The following KCNMA1 variants were observed in gnomAD, a reference collection of about 807,000 sequenced individuals.
KCNMA1 encodes the protein potassium calcium-activated channel subfamily M alpha 1.
Under a neutral mutation model 140.0 loss-of-function variants are expected in KCNMA1, and 29 were observed. The observed-to-expected ratio is 0.21, with a 90% CI of 0.15 to 0.28. KCNMA1 has a LOEUF of 0.28. Ranked by LOEUF, KCNMA1 falls within the 10% of genes least tolerant of loss-of-function variation. KCNMA1 has a pLI of 1.00. For missense variants in KCNMA1, 880 were observed against 1,602.2 expected (o/e 0.55, Z 7.70); for synonymous variants, 612 against 611.9 (o/e 1.00, Z 0.00).
intron 2 of KCNMA1, among the ~76,000 whole-genome samples, chr10:77,292,783 C>G (rs878936504): frequency 1.3e-5 from 2 of 152,212 alleles, no homozygotes; most frequent in Admixed American, 1.3e-4. Context: ...GTTCTGACCT[C>G]TACAAGCATT....
intron 3 of KCNMA1, among the ~76,000 whole-genome samples, chr10:77,223,599 A>G (rs2050372658): frequency 6.6e-6 from 1 of 152,200 alleles, no homozygotes; most frequent in Admixed American, 6.5e-5. Flanking sequence ...GGAGGGTCAG[A>G]GCGATGGAGC....
At position 77,120,132 on chromosome 10, in the gene KCNMA1, G is replaced by A. The variant is rs539975634; in HGVS notation, c.884+841C>T. On this transcript the variant is annotated intron_variant, in intron 6 of 27. Coordinates refer to ENST00000286628, the MANE Select transcript of KCNMA1 (RefSeq NM_001161352.2). ...AAATGCATGAAGGGCAACCAAAGAG[G>A]AAATGGAACATTAGAAGTTAGCTTC... 1.9e-4 allele frequency among the ~76,000 whole-genome samples: 29 copies of A among 152,306 alleles called. No individual in the cohort carries two copies. The South Asian group carries it at 5.8e-3, about 30-fold the overall frequency.
At chr10:77,066,677 G>C (rs950807170) in intron 14 of KCNMA1, among the ~76,000 whole-genome samples, 1 of 152,200 alleles carries the variant, frequency 6.6e-6, no homozygotes, top group African/African-American at 2.4e-5. Context: ...ATTGTATTGG[G>C]AGCTGCTCTC....
chr10:77,204,954 C>G (rs957045663), intron 3 of KCNMA1, among the ~76,000 whole-genome samples: 8 of 152,146 alleles, frequency 5.3e-5, no homozygotes, highest in African/African-American at 1.9e-4. Context: ...CCCCCTTCCC[C>G]TGATCAGTCA....
At chr10:77,417,221 C>T (rs1470526341) in intron 1 of KCNMA1, among the ~76,000 whole-genome samples, 1 of 152,346 alleles carries the variant, frequency 6.6e-6, no homozygotes, top group Admixed American at 6.5e-5. Context: ...TCTGCTCCCC[C>T]AATTCCACAT....
chr10:77,185,009 G>A, intron 3 of KCNMA1, 93 bp from the exon 4 acceptor site: 1 of 808,498 alleles, frequency 1.2e-6, no homozygotes, highest in Non-Finnish European at 2.2e-6. Context: ...GCTTAGGGTA[G>A]ACGATGAAAT....
chr10:77,234,305 T>C (rs772355847), intron 3 of KCNMA1, among the ~76,000 whole-genome samples: 12 of 152,192 alleles, frequency 7.9e-5, no homozygotes, highest in Non-Finnish European at 1.5e-4. Context: ...GCACAAAACA[T>C]TTAAGAAACC....
intron 18 of KCNMA1, among the ~76,000 whole-genome samples, chr10:77,007,627 TA>T (rs1215901047): frequency 1.1e-5 from 1 of 91,036 alleles, no homozygotes; most frequent in Non-Finnish European, 2.4e-5. Flanking sequence ...TATACTCTGA[TA>T]CATCATGGTA....
chr10:77,011,835 G>T, intron 18 of KCNMA1, 132 bp downstream of exon 18: 1 of 813,814 alleles, frequency 1.2e-6, no homozygotes, highest in Non-Finnish European at 2.1e-6. Flanking sequence ...TCTTTAAACT[G>T]CTGGGTGAAA....
At chr10:77,282,085 T>C (rs1321064336) in intron 2 of KCNMA1, among the ~76,000 whole-genome samples, 1 of 152,224 alleles carries the variant, frequency 6.6e-6, no homozygotes, top group East Asian at 1.9e-4. Flanking sequence ...CCTTAAAACA[T>C]GCTCTTAGCA....
At chr10:77,630,552 G>T (rs923824542) in intron 1 of KCNMA1, among the ~76,000 whole-genome samples, 1 of 152,112 alleles carries the variant, frequency 6.6e-6, no homozygotes, top group South Asian at 2.1e-4. Context: ...TCCACCCAAC[G>T]ATCTGGCAGA....
At chr10:77,186,967 A>G (rs903167380) in intron 3 of KCNMA1, among the ~76,000 whole-genome samples, 1 of 152,122 alleles carries the variant, frequency 6.6e-6, no homozygotes, top group Non-Finnish European at 1.5e-5. Flanking sequence ...AGAGAAAAAA[A>G]GGGCTTGGTT....
intron 5 of KCNMA1, among the ~76,000 whole-genome samples, chr10:77,169,309 G>A (rs1035920381): frequency 1.3e-5 from 2 of 152,116 alleles, no homozygotes; most frequent in Non-Finnish European, 2.9e-5. Flanking sequence ...AAACAGGGCT[G>A]GAGAAGAAGG....
chr10:77,127,032 T>C (rs1441395913), intron 5 of KCNMA1, among the ~76,000 whole-genome samples: 2 of 147,436 alleles, frequency 1.4e-5, no homozygotes, highest in Non-Finnish European at 1.5e-5. Flanking sequence ...CACAGAAAAG[T>C]CATCAAACTG....
intron 18 of KCNMA1, among the ~76,000 whole-genome samples, chr10:77,007,672 T>TATATATATATATATATAC (rs1281497119): frequency 7.0e-6 from 1 of 143,202 alleles, no homozygotes; most frequent in South Asian, 2.2e-4. Flanking sequence ...TATATATATA[T>TATATATATATATATATAC]ATATGTATCA....
At chr10:77,438,944 T>C (rs759044190) in intron 1 of KCNMA1, among the ~76,000 whole-genome samples, 7 of 151,910 alleles carry the variant, frequency 4.6e-5, no homozygotes, top group Non-Finnish European at 1.0e-4. Context: ...GGGGTGATGG[T>C]GCATGCCTGT....
chr10:77,563,993 T>C (rs1315429696), intron 1 of KCNMA1, among the ~76,000 whole-genome samples: 1 of 152,208 alleles, frequency 6.6e-6, no homozygotes, highest in Non-Finnish European at 1.5e-5. Flanking sequence ...GTGAACAGGC[T>C]TCAGAATCAG....
intron 1 of KCNMA1, among the ~76,000 whole-genome samples, chr10:77,532,847 A>G (rs889688358): frequency 2.6e-5 from 4 of 152,142 alleles, no homozygotes; most frequent in Admixed American, 2.0e-4. Flanking sequence ...AAACCTTCCT[A>G]TTGGCTCTAT....
chr10:77,555,645 C>A (rs1184965783), intron 1 of KCNMA1, among the ~76,000 whole-genome samples: 1 of 152,198 alleles, frequency 6.6e-6, no homozygotes, highest in Non-Finnish European at 1.5e-5. Flanking sequence ...AACACTCCAG[C>A]CCCACTCTGG....
Sources: gnomAD v4.1 joint callset for allele counts (sites outside exome capture counted in the v4.1 genomes callset) on GRCh38, gnomAD v4.1.1 for gene constraint, MANE v1.5 for transcripts, NCBI Gene and HGNC (gene_info 2026-07-23, HGNC 2026-07-21) for gene names.